The following DENND4B variants were observed in gnomAD, a reference collection of about 807,000 sequenced individuals.
The protein encoded by DENND4B is DENN domain containing 4B, also known as DENN domain-containing protein 4B.
In DENND4B, 67 loss-of-function variants were observed where a neutral mutation model predicts 161.0. The ratio of observed to expected loss-of-function variants is 0.42; its 90% CI spans 0.34 to 0.51. The LOEUF (loss-of-function observed/expected upper bound fraction) is 0.51, where lower values mean the gene tolerates loss of function less well. Ranked by LOEUF, DENND4B falls within the 20% of genes least tolerant of loss-of-function variation. DENND4B has a pLI of 0.08. For synonymous variants in DENND4B, 753 were observed against 813.8 expected (o/e 0.93, Z 1.27); for missense variants, 1,481 against 1,968.0 (o/e 0.75, Z 4.68).
chr1:153,945,469 G>A (rs561933936), intron 1 of DENND4B, among the ~76,000 whole-genome samples: 9 of 152,148 alleles, frequency 5.9e-5, no homozygotes, highest in African/African-American at 2.2e-4. Flanking sequence ...GTGCAGTCCT[G>A]CTAACCTCCT....
At chr1:153,935,959 C>G in intron 17 of DENND4B, 101 bp downstream of exon 17, 1 of 1,456,974 alleles carries the variant, frequency 6.9e-7, no homozygotes, top group African/African-American at 1.4e-5. Flanking sequence ...CCTAGGCAAA[C>G]AGTACCAGCC....
Position 153,937,853 on chromosome 1 carries a change from T to C in DENND4B, c.1976A>G (p.Glu659Gly), listed in dbSNP as rs371137212. 57 of 1,614,002 alleles carry C rather than the reference T, an allele frequency of 3.5e-5. No homozygotes were observed. The highest frequency in any genetic ancestry group is 4.7e-5 in the Non-Finnish European group (55 of 1,179,904). The stretch of plus-strand genomic sequence containing the variant: ...GGGTGTCGGCTCAGGCTTCTCCTGC[T>C]CTGGGTGGACCTGGAGAAGGATTTT... ...FDSCVEKVHPEQEKPEPTPLV... is the reference protein window; with the variant it reads ...FDSCVEKVHPGQEKPEPTPLV... Residue 659 changes from glutamate to glycine, a missense_variant, in exon 14 of 28, where the codon GAG becomes GGG. Physicochemically the swap from Glu to Gly is moderately conservative, Grantham distance 98. Coordinates refer to ENST00000361217, the MANE Select transcript of DENND4B (RefSeq NM_014856.3). The surrounding 1 kb of genome is among the most constrained non-coding windows in gnomAD (Gnocchi z 4.7).
Position 153,936,771 on chromosome 1 carries a change from C to G in DENND4B, c.2233-23G>C, listed in dbSNP as rs1002515614. 1.1e-5 allele frequency: 17 copies of G among 1,537,066 alleles called. No individual in the cohort carries two copies. Among genetic ancestry groups the G allele is most frequent in the Non-Finnish European group, 1.4e-5 (16 of 1,139,252 alleles). On this transcript the variant is annotated intron_variant, in intron 15 of 27. Transcript: ENST00000361217. This position sits in a 1 kb window ranked among gnomAD's most constrained non-coding sequence, Gnocchi z 4.1. ...CTCCTAGGTAGGACAGGGGACACAT[C>G]AGGGTGAGTACAATGCCAGGTCTTT...
chr1:153,943,160 A>G, intron 2 of DENND4B, 30 bp from the exon 3 acceptor site: 1 of 1,595,714 alleles, frequency 6.3e-7, no homozygotes, highest in Non-Finnish European at 8.6e-7. Context: ...ATAGATGTTG[A>G]GAGGTCAGGG....
Position 153,940,595 on chromosome 1 carries a change from T to C in DENND4B, c.1338A>G (p.Pro446=). ...VCEALVSMIF[P]LHWQCPYIPL... The stretch of plus-strand genomic sequence containing the variant: ...GAATGTAGGGGCACTGCCAGTGCAG[T>C]GGGAAGATCATCTGAAGCACCAGGC... The change falls in exon 10 of 28, where the codon CCA becomes CCG. Residue 446 remains proline, a synonymous_variant. Coordinates refer to ENST00000361217, the MANE Select transcript of DENND4B (RefSeq NM_014856.3). The surrounding 1 kb of genome is among the most constrained non-coding windows in gnomAD (Gnocchi z 5.6). The C allele has an allele frequency of 2.5e-6, 4 of 1,612,004 alleles. No individual in the cohort carries two copies. The highest frequency in any genetic ancestry group is 3.4e-6 in the Non-Finnish European group (4 of 1,179,170).
In DENND4B at chr1:153,933,425, G is replaced by A. The variant is rs866139473; in HGVS notation, c.3330+58C>T. The A allele has an allele frequency of 6.4e-5, 103 of 1,598,780 alleles. No homozygotes were observed. Among genetic ancestry groups the A allele is most frequent in the African/African-American group, 1.2e-4 (9 of 74,584 alleles). On this transcript the variant is annotated intron_variant, in intron 20 of 27. Coordinates refer to ENST00000361217, the MANE Select transcript of DENND4B (RefSeq NM_014856.3). The surrounding 1 kb of genome is among the most constrained non-coding windows in gnomAD (Gnocchi z 5.7). ...CCCCTTTTTGAGCATTCTTCCAGTCGTAGCCCCTCCCCAAGCCCACTAATG... is the reference window on the plus strand; with the variant it reads ...CCCCTTTTTGAGCATTCTTCCAGTCATAGCCCCTCCCCAAGCCCACTAATG...
chr1:153,943,958 A>T, intron 2 of DENND4B, 100 bp downstream of exon 2: 1 of 1,333,494 alleles, frequency 7.5e-7, no homozygotes, highest in Non-Finnish European at 9.9e-7. Flanking sequence ...CCAGGCTCCC[A>T]TCCCCATTGC....
Position 153,940,316 on chromosome 1 carries a change from C to A in DENND4B, c.1503-60G>T. The A allele has an allele frequency of 1.3e-6, 2 of 1,561,402 alleles. No homozygotes were observed. The highest frequency in any genetic ancestry group is 1.7e-6 in the Non-Finnish European group (2 of 1,150,174). On this transcript the variant is annotated intron_variant, in intron 10 of 27. Coordinates refer to ENST00000361217, the MANE Select transcript of DENND4B (RefSeq NM_014856.3). This position sits in a 1 kb window ranked among gnomAD's most constrained non-coding sequence, Gnocchi z 5.6. ...GCTCTGGGATAGGGTGACGGGGTTC[C>A]TTGCCAGCCTCCCTCACTTTGTGCC...
chr1:153,931,775 C>T (rs1239721711), intron 24 of DENND4B, among the ~76,000 whole-genome samples: 1 of 151,688 alleles, frequency 6.6e-6, no homozygotes. Flanking sequence ...GGATTACAGG[C>T]GTGAGCCACC....
In DENND4B at chr1:153,930,828, C is replaced by G; in HGVS notation, c.4144G>C (p.Gly1382Arg). ...AAACTAAGGGATGCAGGTACAGGGC[C>G]TGGCCATACCACCCGCTGGGGGATC... ...SQIPQRVVWP[G>R]PVPASLSLAL... Residue 1382 changes from glycine to arginine, a missense_variant, in exon 26 of 28, where the codon GGC becomes CGC. Physicochemically the swap from Gly to Arg is moderately radical, Grantham distance 125. Transcript: ENST00000361217. The surrounding 1 kb of genome is among the most constrained non-coding windows in gnomAD (Gnocchi z 4.7). 1 of 1,602,204 alleles carries G rather than the reference C, an allele frequency of 6.2e-7. No individual in the cohort carries two copies. Among genetic ancestry groups the G allele is most frequent in the Non-Finnish European group, 8.5e-7 (1 of 1,174,408 alleles).
Position 153,946,165 on chromosome 1 carries a change from T to A in DENND4B, c.-24+136A>T, listed in dbSNP as rs1217190378. On this transcript the variant is annotated intron_variant, in intron 1 of 27. Coordinates refer to ENST00000361217, the MANE Select transcript of DENND4B (RefSeq NM_014856.3). This position sits in a 1 kb window ranked among gnomAD's most constrained non-coding sequence, Gnocchi z 6.3. ...AGGTGCCCTCCCCTCCACTTTCACTTCCCCAGGAGAGAGGAACCGGAACCA... is the reference window on the plus strand; with the variant it reads ...AGGTGCCCTCCCCTCCACTTTCACTACCCCAGGAGAGAGGAACCGGAACCA... The A allele has an allele frequency of 3.4e-6, 1 of 293,176 alleles. No homozygotes were observed. The highest frequency in any genetic ancestry group is 6.3e-6 in the Non-Finnish European group (1 of 159,556). The allele number at this position is 293,176 out of a possible 1,614,324, so 18.2% of individuals were successfully genotyped here. A position where few individuals can be genotyped will look rare whatever the true frequency, so the allele number is the denominator to read the frequency against.
chr1:153,935,918 G>T, intron 17 of DENND4B, 142 bp downstream of exon 17: 3 of 1,029,598 alleles, frequency 2.9e-6, no homozygotes, highest in Non-Finnish European at 4.2e-6. Flanking sequence ...GGCACCACAG[G>T]AGTGCAATGT....
Position 153,946,307 on chromosome 1 carries a change from C to G in DENND4B, c.-30G>C. ...CGGTCCAGCCCCTACCTGCCTGTCC[C>G]GCGCTTCCCGGCCGGCCGGCCCGCT... On this transcript the variant is annotated 5_prime_UTR_variant, in exon 1 of 28. Coordinates refer to ENST00000361217, the MANE Select transcript of DENND4B (RefSeq NM_014856.3). This position sits in a 1 kb window ranked among gnomAD's most constrained non-coding sequence, Gnocchi z 6.3. 1 of 357,520 alleles carries G rather than the reference C, an allele frequency of 2.8e-6. No individual in the cohort carries two copies. Among genetic ancestry groups the G allele is most frequent in the East Asian group, 4.2e-5 (1 of 24,080 alleles). The allele number at this position is 357,520 out of a possible 1,614,324, so 22.1% of individuals were successfully genotyped here.
rs1359662040 is a variant in DENND4B, at chr1:153,942,747, C to T, written c.571-122G>A. 11 of 1,477,416 alleles carry T rather than the reference C, an allele frequency of 7.4e-6. No homozygotes were observed. Among genetic ancestry groups the T allele is most frequent in the Non-Finnish European group, 9.9e-6 (11 of 1,111,508 alleles). The allele number at this position is 1,477,416 out of a possible 1,614,324, so 91.5% of individuals were successfully genotyped here. On this transcript the variant is annotated intron_variant, in intron 3 of 27. Transcript: ENST00000361217. This position sits in a 1 kb window ranked among gnomAD's most constrained non-coding sequence, Gnocchi z 6.9. ...TAAAGCTCCCATTAATCCCAGTGCC[C>T]CAAGACCAGAGTTACCCCTCTGGAC...
At chr1:153,935,696 G>A (rs190347541) in intron 17 of DENND4B, 5 of 233,694 alleles carry the variant, frequency 2.1e-5, no homozygotes, top group East Asian at 1.3e-4. Context: ...GACCTTGGAC[G>A]AGTTACTAAC....
rs1679622015 is a variant in DENND4B, at chr1:153,940,834, C to T, written c.1326+70G>A. ...CACAAGGAAGGAAAAGGGAAGAGTC[C>T]AGGCAGGGATAGGGGCACCAGAAAG... On this transcript the variant is annotated intron_variant, in intron 9 of 27. Coordinates refer to ENST00000361217, the MANE Select transcript of DENND4B (RefSeq NM_014856.3). This position sits in a 1 kb window ranked among gnomAD's most constrained non-coding sequence, Gnocchi z 5.6. 1 of 1,514,830 alleles carries T rather than the reference C, an allele frequency of 6.6e-7. No homozygotes were observed. The highest frequency in any genetic ancestry group is 8.8e-7 in the Non-Finnish European group (1 of 1,135,372). The allele number at this position is 1,514,830 out of a possible 1,614,324, so 93.8% of individuals were successfully genotyped here.
chr1:153,939,803 T>C lies in DENND4B; in HGVS notation c.1605A>G (p.Thr535=). 6.2e-7 allele frequency: 1 copy of C among 1,613,594 alleles called. No homozygotes were observed. The highest frequency in any genetic ancestry group is 8.5e-7 in the Non-Finnish European group (1 of 1,179,710). The change falls in exon 12 of 28, where the codon ACA becomes ACG. Residue 535 remains threonine (T), a splice_region_variant and synonymous_variant. Transcript: ENST00000361217. ...LTNLYQQLDQ[T]YTGPEEEASL... ...ATGCTTCCTCCTCAGGTCCAGTGTA[T>C]GCTGGAGGCCAGGGCAGCCTAAGAG... is the stretch of plus-strand genomic sequence containing the variant.
chr1:153,932,169 C>T lies in DENND4B; in HGVS notation c.3996+35G>A, dbSNP rs1463914722. 6.4e-7 allele frequency: 1 copy of T among 1,572,234 alleles called. No individual in the cohort carries two copies. Among genetic ancestry groups the T allele is most frequent in the South Asian group, 1.1e-5 (1 of 88,238 alleles). On this transcript the variant is annotated intron_variant, in intron 24 of 27. Transcript: ENST00000361217. This position sits in a 1 kb window ranked among gnomAD's most constrained non-coding sequence, Gnocchi z 5.8. ...ACAAATGGCTGAGAGATGAGGGAGGCACTTAGGAAACAGGGGCCACATGGG... is the reference window on the plus strand; with the variant it reads ...ACAAATGGCTGAGAGATGAGGGAGGTACTTAGGAAACAGGGGCCACATGGG...
intron 17 of DENND4B, chr1:153,935,261 G>T: frequency 2.4e-6 from 1 of 423,192 alleles, no homozygotes; most frequent in Non-Finnish European, 4.2e-6. Flanking sequence ...TTGGTCATTA[G>T]TCTCCTCATC....
Sources: gnomAD v4.1 joint callset for allele counts (sites outside exome capture counted in the v4.1 genomes callset) on GRCh38, gnomAD v4.1.1 for gene constraint, Gnocchi (gnomAD v3.1) non-coding constraint, MANE v1.5 for transcripts, NCBI Gene and HGNC (gene_info 2026-07-23, HGNC 2026-07-21) for gene names.